JMJD6: variants seen among roughly 807,000 people sequenced by gnomAD.
The protein encoded by JMJD6 is jumonji domain containing 6, arginine demethylase and lysine hydroxylase.
JMJD6 carries 17 observed loss-of-function variants against 45.8 expected under a neutral mutation model. The observed-to-expected ratio is 0.37, with a 90% CI of 0.25 to 0.56. JMJD6 has a LOEUF of 0.56. JMJD6 is among the 20% of genes least tolerant of loss of function. The pLI is 0.79. For missense variants in JMJD6, 470 were observed against 517.5 expected, an observed-to-expected ratio of 0.91 and a Z score of 0.89; for synonymous variants, 221 against 196.3, an observed-to-expected ratio of 1.13 and a Z score of -1.05.
At position 76,723,775 on chromosome 17, in the gene JMJD6, G is replaced by T. The variant is rs778790592; in HGVS notation, c.802C>A (p.Pro268Thr). 2 of 1,613,898 alleles carry T rather than the reference G, an allele frequency of 1.2e-6. No homozygotes were observed. Among genetic ancestry groups the T allele is most frequent in the Non-Finnish European group, 1.7e-6 (2 of 1,179,818 alleles). Residue 268 changes from proline to threonine, a missense_variant, in exon 3 of 6, where the codon CCA (proline) becomes ACA (threonine). Around this residue, in one of 4 missense-constraint regions of JMJD6, gnomAD observed 346 missense variants for 339.5 expected, o/e 1.02. Transcript: ENST00000397625. ...CTTTCTTCCAGTTCATCTATACCTG[G>T]TACAAAGACAGTCTCTCCTGGTTTT... ...LQKPGETVFV[P>T]GGWWHVVLNL...
rs989666561 is a variant in JMJD6 at position 76,723,797 on chromosome 17, T to A, written c.780A>T (p.Lys260Asn). 3.7e-6 allele frequency: 6 copies of A among 1,613,992 alleles called. No homozygotes were observed. The African/African-American group carries it at 8.0e-5, about 22-fold the overall frequency. The change falls in exon 3 of 6, where the codon AAA (lysine) becomes AAT (asparagine). Residue 260 changes from lysine to asparagine, a missense_variant. Transcript: ENST00000397625. The part of the protein sequence containing the change: ...PEFKPLEILQ[K>N]PGETVFVPGG... Reference sequence around the variant, plus strand: ...CTGGTACAAAGACAGTCTCTCCTGGTTTTTGTAAGATTTCCAGGGGTTTGA... The same window carrying A: ...CTGGTACAAAGACAGTCTCTCCTGGATTTTGTAAGATTTCCAGGGGTTTGA...
At chr17:76,719,638 T>G (rs1047673673) in intron 5 of JMJD6, among the ~76,000 whole-genome samples, 4 of 152,202 alleles carry the variant, frequency 2.6e-5, no homozygotes, top group African/African-American at 9.6e-5. Flanking sequence ...CACCCAGTAT[T>G]ACTGTCAGCT....
intron 3 of JMJD6, 36 bp from the exon 4 acceptor site, chr17:76,721,969 G>A: frequency 1.9e-6 from 3 of 1,611,084 alleles, no homozygotes; most frequent in Non-Finnish European, 2.5e-6. Context: ...AACAAGGTTT[G>A]ATCCTATACC....
At chr17:76,718,397 G>A (rs2143719357), downstream of JMJD6, 1 of 1,211,822 alleles carries the variant, frequency 8.3e-7, no homozygotes, top group Non-Finnish European at 1.0e-6. Flanking sequence ...CCACCATGAG[G>A]AGAAGAGCAA....
Position 76,725,833 on chromosome 17 carries a change from G to C in JMJD6, c.152C>G (p.Ala51Gly). The change falls in exon 2 of 6, where the codon GCT (alanine) becomes GGT (glycine). Residue 51 changes from alanine (A) to glycine (G), a missense_variant. Physicochemically the swap from Ala to Gly is moderately conservative, Grantham distance 60 (BLOSUM62 0). Transcript: ENST00000397625. ...AVADNVERAD[A>G]LQLSVEEFVE... ...AAATTCTTCCACAGACAGCTGTAAA[G>C]CATCTGCCCTTTCCACGTTATCCTG... 3 of 1,611,942 alleles carry C rather than the reference G, an allele frequency of 1.9e-6. No individual in the cohort carries two copies. Among genetic ancestry groups the C allele is most frequent in the Non-Finnish European group, 2.5e-6 (3 of 1,179,550 alleles).
rs749088772 is a variant in JMJD6, at chr17:76,726,510, C to T, written c.-35G>A. 1.3e-6 allele frequency: 2 copies of T among 1,570,400 alleles called. No homozygotes were observed. The highest frequency in any genetic ancestry group is 1.1e-5 in the South Asian group (1 of 87,384). On this transcript the variant is annotated 5_prime_UTR_variant, in exon 1 of 6. Coordinates refer to ENST00000397625, the MANE Select transcript of JMJD6 (RefSeq NM_015167.3). ...TCGCCAGCTGGTTCCGCTACGACCTCGGCGCAGCCCGCTTCCTGACACTAA... is the reference window on the plus strand; with the variant it reads ...TCGCCAGCTGGTTCCGCTACGACCTTGGCGCAGCCCGCTTCCTGACACTAA...
rs771546907 is a variant in JMJD6 at position 76,718,545 on chromosome 17, G to A, written c.*184C>T. 1.1e-4 allele frequency: 152 copies of A among 1,384,702 alleles called. No homozygotes were observed. Among genetic ancestry groups the A allele is most frequent in the Non-Finnish European group, 1.4e-4 (146 of 1,071,788 alleles). 85.8% of individuals were successfully genotyped at this position (1,384,702 alleles called of 1,614,324 possible). A position where few individuals can be genotyped will look rare whatever the true frequency, so the allele number is the denominator to read the frequency against. On this transcript the variant is annotated 3_prime_UTR_variant, in exon 6 of 6. Transcript: ENST00000397625. ...TGAGTAAAACAAGCCGCGTTTATCT[G>A]CATTGGTAGCAGAGGGAAAGCTACT...
In JMJD6 at chr17:76,718,642, T is replaced by G; in HGVS notation, c.*87A>C. The G allele has an allele frequency of 3.3e-6, 5 of 1,528,726 alleles. No homozygotes were observed. The highest frequency in any genetic ancestry group is 4.4e-6 in the Non-Finnish European group (5 of 1,141,102). The allele number at this position is 1,528,726 out of a possible 1,614,324, so 94.7% of individuals were successfully genotyped here. On this transcript the variant is annotated 3_prime_UTR_variant, in exon 6 of 6. Coordinates refer to ENST00000397625, the MANE Select transcript of JMJD6 (RefSeq NM_015167.3). ...TTCTTGGGCTCTGTCAGGCCTCCCC[T>G]TGTCTGCAGGACTGGACAGGCCACC...
At chr17:76,722,926 G>C (rs923478359) in intron 3 of JMJD6, among the ~76,000 whole-genome samples, 1 of 3,160 alleles carries the variant, frequency 3.2e-4, no homozygotes, top group South Asian at 5.8e-3. Flanking sequence ...CACAAACAAA[G>C]AAAAGTTGTA....
At chr17:76,722,153 G>A (rs998373038) in intron 3 of JMJD6, among the ~76,000 whole-genome samples, 3 of 152,102 alleles carry the variant, frequency 2.0e-5, no homozygotes, top group Admixed American at 1.3e-4. Flanking sequence ...GATTGTCTAG[G>A]GCTGCTTTCC....
chr17:76,717,446 G>T (rs1171552674), downstream of JMJD6, among the ~76,000 whole-genome samples: 3 of 152,188 alleles, frequency 2.0e-5, no homozygotes, highest in South Asian at 4.1e-4. Context: ...CAAATGCAGA[G>T]TGAACAAATT....
chr17:76,723,542 G>A (rs763745476), intron 3 of JMJD6, among the ~76,000 whole-genome samples: 9 of 151,244 alleles, frequency 6.0e-5, no homozygotes, highest in Non-Finnish European at 1.0e-4. Context: ...CTGGGTTCAC[G>A]TGATTCTCCT....
At chr17:76,724,566 C>T (rs2076874659) in intron 2 of JMJD6, among the ~76,000 whole-genome samples, 1 of 151,988 alleles carries the variant, frequency 6.6e-6, no homozygotes, top group East Asian at 1.9e-4. Flanking sequence ...CCTGTAATCC[C>T]AGCACTTTGG....
intron 3 of JMJD6, among the ~76,000 whole-genome samples, chr17:76,722,998 G>A (rs893041003): frequency 1.4e-5 from 2 of 147,566 alleles, no homozygotes; most frequent in African/African-American, 5.0e-5. Context: ...CCAGGCTGGA[G>A]TGCAGTGACA....
At chr17:76,720,209 A>C (rs745975416) in intron 5 of JMJD6, 151 bp downstream of exon 5, 1 of 681,182 alleles carries the variant, frequency 1.5e-6, no homozygotes, top group Non-Finnish European at 2.5e-6. Context: ...ACCACTCAGC[A>C]GGAATGGTGA....
chr17:76,718,478 TA>T lies in JMJD6; in HGVS notation c.*250del. On this transcript the variant is annotated 3_prime_UTR_variant, in exon 6 of 6. Transcript: ENST00000397625. The stretch of plus-strand genomic sequence containing the variant: ...GAAAATGGATTCAATTTTTATTAAA[TA>T]ATGTAAAGGATTTTCTTGGCACTAT... 3.1e-6 allele frequency: 4 copies of T among 1,310,074 alleles called. No individual in the cohort carries two copies. In the South Asian group the frequency reaches 7.3e-5, roughly 24 times the overall value. 81.2% of individuals were successfully genotyped at this position (1,310,074 alleles called of 1,614,324 possible).
In JMJD6 at chr17:76,721,908, A is replaced by G; in HGVS notation, c.831T>C (p.Asn277=). The G allele has an allele frequency of 1.2e-6, 2 of 1,614,160 alleles. No individual in the cohort carries two copies. Among genetic ancestry groups the G allele is most frequent in the South Asian group, 2.2e-5 (2 of 91,082 alleles). ...GGGTGATGGCGATAGTAGTGTCGAG[A>G]TTGAGGACAACATGCCACCAGCCTC... The part of the protein sequence containing the change: ...VPGGWWHVVL[N]LDTTIAITQN... Residue 277 remains asparagine (N), a synonymous_variant, in exon 4 of 6, where the codon AAT becomes AAC. Transcript: ENST00000397625.
chr17:76,726,407 C>G lies in JMJD6; in HGVS notation c.69G>C (p.Ser23=). The change falls in exon 1 of 6, where the codon TCG becomes TCC. Residue 23 remains serine, a synonymous_variant. Coordinates refer to ENST00000397625, the MANE Select transcript of JMJD6 (RefSeq NM_015167.3). ...KRSARPELKD[S]LDWTRHNYYE... ...AGTAGTTGTGCCGGGTCCAATCCAG[C>G]GAGTCCTTGAGCTCCGGCCGCGCAC... 6.2e-7 allele frequency: 1 copy of G among 1,605,672 alleles called. No individual in the cohort carries two copies. Among genetic ancestry groups the G allele is most frequent in the Non-Finnish European group, 8.5e-7 (1 of 1,176,886 alleles).
downstream of JMJD6, chr17:76,716,809 C>G (rs189269552): frequency 8.9e-5 from 125 of 1,403,228 alleles, no homozygotes; most frequent in African/African-American, 1.6e-3. Context: ...AAGCAGGACC[C>G]CCGGGACCCC....
Sources: allele counts gnomAD v4.1 joint callset (sites outside exome capture counted in the v4.1 genomes callset), GRCh38; gene constraint gnomAD v4.1.1; regional missense constraint gnomAD v4.1.1; transcripts MANE v1.5; gene names NCBI Gene and HGNC (gene_info 2026-07-23, HGNC 2026-07-21).